Variants in RXRA observed in about 807,000 individuals in gnomAD.
RXRA encodes retinoid X receptor alpha.
Under a neutral mutation model 44.5 loss-of-function variants are expected in RXRA, and 5 were observed. That is an observed-to-expected ratio of 0.11 (90% CI 0.06 to 0.24). RXRA has a LOEUF of 0.24. Among genes scored for constraint, RXRA ranks in the 10% least tolerant of loss-of-function variants. RXRA has a pLI of 1.00. For missense variants in RXRA, 412 were observed against 646.5 expected (o/e 0.64, Z 3.93); for synonymous variants, 291 against 271.4 (o/e 1.07, Z -0.71).
intron 1 of RXRA, among the ~76,000 whole-genome samples, chr9:134,373,816 A>G (rs566756390): frequency 2.0e-5 from 3 of 152,226 alleles, no homozygotes; most frequent in Admixed American, 2.0e-4. Context: ...GGCAGGGCCC[A>G]CCTTTGTTTT....
At chr9:134,376,532 A>G (rs1033248198) in intron 1 of RXRA, among the ~76,000 whole-genome samples, 1 of 17,610 alleles carries the variant, frequency 5.7e-5, no homozygotes, top group Non-Finnish European at 1.6e-4. Context: ...TCATGACTTG[A>G]CAGCCTGGCC....
At chr9:134,397,830 G>C (rs545822092) in intron 1 of RXRA, among the ~76,000 whole-genome samples, 1 of 152,294 alleles carries the variant, frequency 6.6e-6, no homozygotes, top group East Asian at 1.9e-4. Flanking sequence ...TCCCTTGTGT[G>C]GGGAGGGCTG....
chr9:134,339,538 C>CAT (rs1830057130), intron 1 of RXRA, among the ~76,000 whole-genome samples: 1 of 127,142 alleles, frequency 7.9e-6, no homozygotes, highest in Non-Finnish European at 1.7e-5. Flanking sequence ...TGTGTGAGCC[C>CAT]GTGTGTGTGT....
At position 134,422,715 on chromosome 9, in the gene RXRA, T is replaced by C. The variant is rs1831368793; in HGVS notation, c.910+910T>C. 5 of 985,296 alleles carry C rather than the reference T, an allele frequency of 5.1e-6. No homozygotes were observed. In the South Asian group the frequency reaches 1.9e-4, roughly 37 times the overall value. 61.0% of individuals were successfully genotyped at this position (985,296 alleles called of 1,614,324 possible). On this transcript the variant is annotated intron_variant, in intron 6 of 9. Coordinates refer to ENST00000481739, the MANE Select transcript of RXRA (RefSeq NM_002957.6). ...GTCCTGGGACCTCCTATGTACTCTATGGGACTGTTGGGGGAAGGGCCTGGG... is the reference window on the plus strand; with the variant it reads ...GTCCTGGGACCTCCTATGTACTCTACGGGACTGTTGGGGGAAGGGCCTGGG...
intron 6 of RXRA, among the ~76,000 whole-genome samples, chr9:134,428,513 C>T (rs1181917341): frequency 8.5e-6 from 1 of 117,306 alleles, no homozygotes; most frequent in Non-Finnish European, 1.8e-5. Context: ...GTTACCTAAC[C>T]ACCCGCCCCA....
intron 2 of RXRA, chr9:134,402,949 C>T (rs1830988027): frequency 6.6e-6 from 1 of 152,212 alleles, no homozygotes; most frequent in Non-Finnish European, 1.5e-5. Flanking sequence ...TCTGCCCACA[C>T]ACAGCTGACA....
At chr9:134,331,617 C>T (rs1425548572) in intron 1 of RXRA, among the ~76,000 whole-genome samples, 1 of 152,228 alleles carries the variant, frequency 6.6e-6, no homozygotes, top group Non-Finnish European at 1.5e-5. Context: ...CCTACCCCCA[C>T]GAAGGTGCCG....
rs1363557235 is a variant in RXRA at position 134,439,510 on chromosome 9, A to T, written c.*2896A>T. 1 of 152,318 alleles carries T rather than the reference A, an allele frequency of 6.6e-6. No homozygotes were observed. Among genetic ancestry groups the T allele is most frequent in the Non-Finnish European group, 1.5e-5 (1 of 68,092 alleles). 9.4% of individuals were successfully genotyped at this position (152,318 alleles called of 1,614,324 possible). Reference sequence around the variant, plus strand: ...ACCCTGGAAGCACACGGCCTCTGGGAAGGACAGCCCTGACCTTCGGTTTTC... The same window carrying T: ...ACCCTGGAAGCACACGGCCTCTGGGTAGGACAGCCCTGACCTTCGGTTTTC... On this transcript the variant is annotated 3_prime_UTR_variant, in exon 10 of 10. Transcript: ENST00000481739.
At chr9:134,420,523 T>C (rs12346734) in intron 5 of RXRA, among the ~76,000 whole-genome samples, 3,534 of 152,316 alleles carry the variant, frequency 0.023, 138 homozygotes, top group African/African-American at 0.081. Flanking sequence ...CGAGTCTCTG[T>C]GCCATTCCTC....
intron 1 of RXRA, chr9:134,379,188 C>A: frequency 1.2e-6 from 1 of 811,590 alleles, no homozygotes; most frequent in Non-Finnish European, 1.5e-6. Context: ...ATGCTGTTCT[C>A]GGTTGGACCT....
intron 1 of RXRA, among the ~76,000 whole-genome samples, chr9:134,394,326 C>T (rs1830846821): frequency 1.6e-5 from 2 of 121,876 alleles, no homozygotes; most frequent in South Asian, 5.7e-4. Flanking sequence ...CCTTCACAGA[C>T]ATTGCTTTAA....
At chr9:134,388,765 C>G (rs1000386448) in intron 1 of RXRA, among the ~76,000 whole-genome samples, 1 of 152,192 alleles carries the variant, frequency 6.6e-6, no homozygotes, top group African/African-American at 2.4e-5. Flanking sequence ...CCTTCGATGT[C>G]CTTCCTCTGC....
intron 8 of RXRA, among the ~76,000 whole-genome samples, chr9:134,432,498 CTG>C (rs1831548370): frequency 6.6e-6 from 1 of 152,196 alleles, no homozygotes; most frequent in Non-Finnish European, 1.5e-5. Flanking sequence ...GGCTGTGGGG[CTG>C]GGGCTGGGCA....
rs1831705799 is a variant in RXRA, at chr9:134,440,089, G to C, written c.*3475G>C. On this transcript the variant is annotated 3_prime_UTR_variant, in exon 10 of 10. Coordinates refer to ENST00000481739, the MANE Select transcript of RXRA (RefSeq NM_002957.6). ...AGAAAATGTCTAAAGCATCTGGAAA[G>C]GTAAAAAAAAAAAATCTATTTTTGT... is the stretch of plus-strand genomic sequence containing the variant. The C allele has an allele frequency of 1.3e-5, 2 of 150,784 alleles. No individual in the cohort carries two copies. Among genetic ancestry groups the C allele is most frequent in the African/African-American group, 4.9e-5 (2 of 40,762 alleles). The allele number at this position is 150,784 out of a possible 1,614,324, so 9.3% of individuals were successfully genotyped here. A position where few individuals can be genotyped will look rare whatever the true frequency, so the allele number is the denominator to read the frequency against.
At chr9:134,369,907 G>T (rs533411728) in intron 1 of RXRA, among the ~76,000 whole-genome samples, 1 of 152,320 alleles carries the variant, frequency 6.6e-6, no homozygotes, top group East Asian at 1.9e-4. Context: ...CATGAGCCCA[G>T]CATGTGTACT....
intron 6 of RXRA, chr9:134,427,092 A>G: frequency 2.0e-6 from 2 of 983,180 alleles, no homozygotes; most frequent in Non-Finnish European, 2.4e-6. Flanking sequence ...CAGATTACCC[A>G]CATGTCAGAT....
At chr9:134,425,524 C>T (rs1238459027) in intron 6 of RXRA, 2 of 972,906 alleles carry the variant, frequency 2.1e-6, no homozygotes, top group African/African-American at 1.8e-5. Context: ...GTTGCACAGG[C>T]ACCTCCTGCG....
Position 134,407,536 on chromosome 9 carries a change from G to T in RXRA, c.280-613G>T, listed in dbSNP as rs1023609753. The stretch of plus-strand genomic sequence containing the variant: ...CCCGGGCGGCAGCGTGCGGGCCGGC[G>T]GGTGGGGCGGAGGGGTGTGCAGAGA... On this transcript the variant is annotated intron_variant, in intron 2 of 9. Coordinates refer to ENST00000481739, the MANE Select transcript of RXRA (RefSeq NM_002957.6). This position sits in a 1 kb window ranked among gnomAD's most constrained non-coding sequence, Gnocchi z 4.8. 6.6e-6 allele frequency among the ~76,000 whole-genome samples: 1 copy of T among 152,210 alleles called. No individual in the cohort carries two copies.
At chr9:134,415,237 G>A (rs10120653) in intron 4 of RXRA, among the ~76,000 whole-genome samples, 2 of 152,202 alleles carry the variant, frequency 1.3e-5, no homozygotes, top group Non-Finnish European at 2.9e-5. Flanking sequence ...AGGCATCCAC[G>A]TGGGGCTGTT....
Sources: gnomAD v4.1 joint callset for allele counts (sites outside exome capture counted in the v4.1 genomes callset) on GRCh38, gnomAD v4.1.1 for gene constraint, Gnocchi (gnomAD v3.1) non-coding constraint, MANE v1.5 for transcripts, NCBI Gene and HGNC (gene_info 2026-07-23, HGNC 2026-07-21) for gene names.